The following PDE8B variants were observed in gnomAD, a reference collection of about 807,000 sequenced individuals.
PDE8B encodes phosphodiesterase 8B, also known as high affinity cAMP-specific and IBMX-insensitive 3',5'-cyclic phosphodiesterase 8B.
PDE8B carries 26 observed loss-of-function variants against 101.3 expected under a neutral mutation model. The ratio of observed to expected loss-of-function variants is 0.26; its 90% confidence interval spans 0.19 to 0.36. The LOEUF (loss-of-function observed/expected upper bound fraction) is 0.36, where lower values mean the gene tolerates loss of function less well. Ranked by LOEUF, PDE8B falls within the 10% of genes least tolerant of loss-of-function variation. The pLI, the probability that PDE8B is intolerant of heterozygous loss-of-function variation, is 1.00. For missense variants in PDE8B, 810 were observed against 1,163.1 expected (o/e 0.70, Z 4.42); for synonymous variants, 424 against 429.3 (o/e 0.99, Z 0.15).
At chr5:77,422,433 CAAGG>C (rs975814955) in intron 20 of PDE8B, among the ~76,000 whole-genome samples, 1 of 152,010 alleles carries the variant, frequency 6.6e-6, no homozygotes. Flanking sequence ...AAGTGTATCT[CAAGG>C]AAGTTTATGT....
the PDE8B span, among the ~76,000 whole-genome samples, chr5:77,191,746 G>A: frequency 1.3e-5 from 2 of 152,190 alleles, no homozygotes; most frequent in Non-Finnish European, 2.9e-5. Context: ...CGAAGGTGGG[G>A]ATTGTTTCGG....
At chr5:77,323,239 T>TC (rs1025423826) in intron 2 of PDE8B, among the ~76,000 whole-genome samples, 2 of 152,226 alleles carry the variant, frequency 1.3e-5, no homozygotes, top group Admixed American at 6.5e-5. Context: ...CAAGGTTGTG[T>TC]CCTTCATTTT....
rs753857242 is a variant in PDE8B, at chr5:77,407,408, C to T, written c.1316C>T (p.Pro439Leu). Residue 439 changes from proline to leucine, a missense_variant, in exon 13 of 22, where the codon CCG (proline) becomes CTG (leucine). Pro to Leu is a moderately conservative substitution (Grantham distance 98, BLOSUM62 -3). Around this residue, in one of 4 missense-constraint regions of PDE8B, gnomAD observed 75 missense variants for 76.9 expected, o/e 0.98. Coordinates refer to ENST00000264917, the MANE Select transcript of PDE8B (RefSeq NM_003719.5). ...CCAAGCCTGCAGAATCGTCGCTATC[C>T]GTCCATGGCGAGGATCCACTCCATG... ...DAPSLQNRRY[P>L]SMARIHSMTI... 2 of 1,613,910 alleles carry T rather than the reference C, an allele frequency of 1.2e-6. No individual in the cohort carries two copies. The highest frequency in any genetic ancestry group is 1.7e-6 in the Non-Finnish European group (2 of 1,179,954).
chr5:77,174,372 T>G, the PDE8B span, among the ~76,000 whole-genome samples: 3 of 152,170 alleles, frequency 2.0e-5, no homozygotes, highest in Admixed American at 2.0e-4. Context: ...CAAGTCCTAG[T>G]GTATTCCTGA....
chr5:77,178,320 A>C, the PDE8B span, among the ~76,000 whole-genome samples: 3 of 152,092 alleles, frequency 2.0e-5, no homozygotes, highest in Admixed American at 2.0e-4. Context: ...ATGTACCCTG[A>C]GTTTTTCAAA....
chr5:77,234,434 A>G (rs962680991), intron 1 of PDE8B, among the ~76,000 whole-genome samples: 2 of 152,146 alleles, frequency 1.3e-5, no homozygotes, highest in African/African-American at 2.4e-5. Flanking sequence ...CCCCTCGTTA[A>G]TATCCTAGCC....
At chr5:77,381,441 T>G (rs1269699972) in intron 10 of PDE8B, among the ~76,000 whole-genome samples, 1 of 152,194 alleles carries the variant, frequency 6.6e-6, no homozygotes, top group Non-Finnish European at 1.5e-5. Flanking sequence ...CCTTTGACTT[T>G]CAGTAATGAC....
At chr5:77,294,351 G>A (rs1437643123) in intron 1 of PDE8B, among the ~76,000 whole-genome samples, 1 of 152,146 alleles carries the variant, frequency 6.6e-6, no homozygotes, top group African/African-American at 2.4e-5. Flanking sequence ...CTCAACACTT[G>A]TCCCAAGAAG....
intron 5 of PDE8B, among the ~76,000 whole-genome samples, chr5:77,335,055 A>G (rs1445626505): frequency 6.6e-6 from 1 of 152,164 alleles, no homozygotes; most frequent in Non-Finnish European, 1.5e-5. Context: ...TTTTGCAAAA[A>G]CTAATCCATG....
chr5:77,234,899 AG>A (rs1561390008), intron 1 of PDE8B, among the ~76,000 whole-genome samples: 1 of 152,214 alleles, frequency 6.6e-6, no homozygotes, highest in Non-Finnish European at 1.5e-5. Flanking sequence ...GGGACCAGTG[AG>A]GATTAAATGA....
rs775727541 is a variant in PDE8B at position 77,419,867 on chromosome 5, A to T, written c.2230A>T (p.Asn744Tyr). The T allele has an allele frequency of 6.2e-7, 1 of 1,614,130 alleles. No homozygotes were observed. Among genetic ancestry groups the T allele is most frequent in the Non-Finnish European group, 8.5e-7 (1 of 1,179,980 alleles). The change falls in exon 19 of 22, where the codon AAC (asparagine) becomes TAC (tyrosine). Residue 744 changes from asparagine (N) to tyrosine (Y), a missense_variant. Physicochemically the swap from Asn to Tyr is moderately radical, Grantham distance 143. Coordinates refer to ENST00000264917, the MANE Select transcript of PDE8B (RefSeq NM_003719.5). ...TGTGAATAAGTTTGTGAACAGCATC[A>T]ACAAGCCAATGGCAGCTGAGGTGAG... ...EHVNKFVNSI[N>Y]KPMAAEIEGS...
intron 1 of PDE8B, among the ~76,000 whole-genome samples, chr5:77,261,068 A>T (rs920511049): frequency 2.0e-5 from 3 of 152,232 alleles, no homozygotes; most frequent in African/African-American, 7.2e-5. Flanking sequence ...TCTGCCTGAA[A>T]GCTGGTTGCA....
At chr5:77,322,917 A>T (rs1352358229) in intron 2 of PDE8B, among the ~76,000 whole-genome samples, 1 of 152,250 alleles carries the variant, frequency 6.6e-6, no homozygotes, top group African/African-American at 2.4e-5. Context: ...AGCTGTTGTA[A>T]TGCCCAACAA....
At chr5:77,179,852 C>T in the PDE8B span, among the ~76,000 whole-genome samples, 35 of 152,212 alleles carry the variant, frequency 2.3e-4, no homozygotes, top group South Asian at 6.2e-3. Context: ...TGAGCCACCG[C>T]GCCCAGGAGA....
chr5:77,262,202 A>C (rs1242424112), intron 1 of PDE8B, among the ~76,000 whole-genome samples: 1 of 151,836 alleles, frequency 6.6e-6, no homozygotes, highest in Non-Finnish European at 1.5e-5. Context: ...TAAAAAAAAA[A>C]CAGGGCAAAA....
At chr5:77,196,485 C>T in the PDE8B span, among the ~76,000 whole-genome samples, 1 of 152,080 alleles carries the variant, frequency 6.6e-6, no homozygotes, top group Non-Finnish European at 1.5e-5. Flanking sequence ...TTCTTTTGCA[C>T]ATTGATTGAT....
intron 1 of PDE8B, among the ~76,000 whole-genome samples, chr5:77,303,545 G>A (rs908845214): frequency 6.6e-6 from 1 of 151,022 alleles, no homozygotes. Flanking sequence ...TTCTAGCCTG[G>A]GCAACAGAGC....
intron 1 of PDE8B, among the ~76,000 whole-genome samples, chr5:77,296,210 T>C (rs914660925): frequency 2.6e-5 from 4 of 152,006 alleles, no homozygotes; most frequent in African/African-American, 9.7e-5. Flanking sequence ...CTCCTTTTCC[T>C]CCTCATCTTC....
chr5:77,323,733 C>A lies in PDE8B; in HGVS notation c.400-1806C>A, dbSNP rs573536531. ...CAGCACTTTGGGAGGCCGAGGTGGG[C>A]GGATCATGAGGTCAGGAGTTCGAGA... On this transcript the variant is annotated intron_variant, in intron 2 of 21. Transcript: ENST00000264917. 7.2e-5 allele frequency among the ~76,000 whole-genome samples: 11 copies of A among 152,084 alleles called. No homozygotes were observed. The South Asian group carries it at 1.0e-3, about 14-fold the overall frequency.
Sources: allele counts gnomAD v4.1 joint callset (sites outside exome capture counted in the v4.1 genomes callset), GRCh38; gene constraint gnomAD v4.1.1; regional missense constraint gnomAD v4.1.1; transcripts MANE v1.5; gene names NCBI Gene and HGNC (gene_info 2026-07-23, HGNC 2026-07-21).